DHX57: variants seen among roughly 807,000 people sequenced by gnomAD.
DHX57 encodes DExH-box helicase 57.
Under a neutral mutation model 156.2 loss-of-function variants are expected in DHX57, and 105 were observed. The ratio of observed to expected loss-of-function variants is 0.67; its 90% CI spans 0.57 to 0.79. The LOEUF is 0.79. DHX57 is among the 30% of genes least tolerant of loss of function. DHX57 has a pLI of 0.00. For missense variants in DHX57, 1,847 were observed against 1,661.9 expected (o/e 1.11, Z -1.94); for synonymous variants, 704 against 595.6 (o/e 1.18, Z -2.65).
At position 38,863,413 on chromosome 2, in the gene DHX57, C is replaced by G. The variant is rs1485230898; in HGVS notation, c.331G>C (p.Val111Leu). 1 of 1,613,936 alleles carries G rather than the reference C, an allele frequency of 6.2e-7. No individual in the cohort carries two copies. Among genetic ancestry groups the G allele is most frequent in the South Asian group, 1.1e-5 (1 of 91,042 alleles). Residue 111 changes from valine to leucine, a missense_variant, in exon 3 of 24, where the codon GTG becomes CTG. Transcript: ENST00000457308. ...LHMTSENQEK[V>L]KALLRDLQEQ... ...TGCAGGTCTCGGAGAAGAGCTTTCA[C>G]TTTCTCTTGATTCTCAGAAGTCATA...
intron 12 of DHX57, among the ~76,000 whole-genome samples, chr2:38,840,590 C>CAAAT (rs1553330629): frequency 4.2e-4 from 63 of 151,584 alleles, no homozygotes; most frequent in African/African-American, 1.5e-3. Context: ...AACAAACAAA[C>CAAAT]AAAAAACAGA....
Position 38,845,181 on chromosome 2 carries a change from G to A in DHX57, c.2219+1838C>T, listed in dbSNP as rs974093856. Among the ~76,000 whole-genome samples the A allele has an allele frequency of 1.3e-4, 19 of 151,780 alleles. No homozygotes were observed. The South Asian group carries it at 1.9e-3, about 15-fold the overall frequency. ...CACTGCACTCAGCCTGGGTGACAGA[G>A]TGAGGCTGTCTTAAAAAAAAACAAA... On this transcript the variant is annotated intron_variant, in intron 11 of 23. Transcript: ENST00000457308.
intron 13 of DHX57, among the ~76,000 whole-genome samples, chr2:38,831,666 T>C (rs7602168): frequency 0.93 from 140,741 of 151,616 alleles, 66,279 homozygotes; most frequent in East Asian, 1. Flanking sequence ...ACCAGCCTGG[T>C]CAACATAGTG....
intron 16 of DHX57, among the ~76,000 whole-genome samples, chr2:38,824,152 C>T (rs1382716014): frequency 6.6e-6 from 1 of 152,114 alleles, no homozygotes; most frequent in Admixed American, 6.6e-5. Flanking sequence ...AGTATATATA[C>T]ATACAGTGGA....
At chr2:38,867,643 C>T (rs981870352) in intron 2 of DHX57, among the ~76,000 whole-genome samples, 3 of 152,196 alleles carry the variant, frequency 2.0e-5, no homozygotes, top group Non-Finnish European at 2.9e-5. Context: ...ACTGCAACTT[C>T]TGCCTCCTGG....
At chr2:38,852,007 G>T (rs955119963) in intron 9 of DHX57, among the ~76,000 whole-genome samples, 1 of 151,808 alleles carries the variant, frequency 6.6e-6, no homozygotes, top group Non-Finnish European at 1.5e-5. Context: ...AATGTTTTCT[G>T]TATAGTAATT....
intron 12 of DHX57, chr2:38,838,845 C>A: frequency 2.2e-6 from 1 of 452,646 alleles, no homozygotes. Flanking sequence ...TCACAATCTC[C>A]CCACTCACAA....
chr2:38,847,373 C>G (rs138273440), intron 10 of DHX57, among the ~76,000 whole-genome samples: 1 of 152,274 alleles, frequency 6.6e-6, no homozygotes, highest in Non-Finnish European at 1.5e-5. Flanking sequence ...CATAGAGGAC[C>G]TTTAAACATT....
chr2:38,815,280 G>T (rs899337898), intron 20 of DHX57, among the ~76,000 whole-genome samples: 4 of 151,584 alleles, frequency 2.6e-5, no homozygotes, highest in Non-Finnish European at 5.9e-5. Context: ...GCTCTGGCTG[G>T]TCTCGAACTC....
chr2:38,875,896 C>A lies in DHX57; in HGVS notation c.-116G>T, dbSNP rs1353866125. ...ACGATTCTCACTTGGAGCAGCCCTG[C>A]GGTGGCCCAGCTGCAGCGGCACAGT... is the stretch of plus-strand genomic sequence containing the variant. On this transcript the variant is annotated 5_prime_UTR_variant, in exon 1 of 24. Transcript: ENST00000457308. 1.0e-5 allele frequency: 4 copies of A among 395,822 alleles called. No individual in the cohort carries two copies. The highest frequency in any genetic ancestry group is 7.2e-5 in the East Asian group (2 of 27,932). 24.5% of individuals were successfully genotyped at this position (395,822 alleles called of 1,614,324 possible).
At chr2:38,816,730 T>C (rs1670564504) in intron 19 of DHX57, among the ~76,000 whole-genome samples, 1 of 152,216 alleles carries the variant, frequency 6.6e-6, no homozygotes, top group African/African-American at 2.4e-5. Flanking sequence ...CAAGTATACA[T>C]GGATAACTAG....
rs564707994 is a variant in DHX57 at position 38,798,170 on chromosome 2, G to A, written c.*129C>T. ...TATATACACTGCCTCAGCTGCCTTG[G>A]GCTTCATGCCCTGGGCTCCTCCACC... On this transcript the variant is annotated 3_prime_UTR_variant, in exon 24 of 24. Transcript: ENST00000457308. 2.3e-5 allele frequency: 30 copies of A among 1,294,832 alleles called. No individual in the cohort carries two copies. The African/African-American group carries it at 4.0e-4, about 17-fold the overall frequency. The allele number at this position is 1,294,832 out of a possible 1,614,324, so 80.2% of individuals were successfully genotyped here. A position where few individuals can be genotyped will look rare whatever the true frequency, so the allele number is the denominator to read the frequency against.
chr2:38,816,418 G>A (rs1558361772), intron 19 of DHX57, among the ~76,000 whole-genome samples: 1 of 151,852 alleles, frequency 6.6e-6, no homozygotes, highest in African/African-American at 2.4e-5. Context: ...GTTTCACCAT[G>A]TTGGCCAGGC....
chr2:38,852,316 A>G (rs2124906163), intron 9 of DHX57, among the ~76,000 whole-genome samples: 2 of 144,518 alleles, frequency 1.4e-5, no homozygotes, highest in Non-Finnish European at 3.0e-5. Flanking sequence ...AGCTGGGACT[A>G]CAGGCGCCTG....
rs113548440 is a variant in DHX57 at position 38,831,838 on chromosome 2, T to G, written c.2543-3402A>C. Among the ~76,000 whole-genome samples the G allele has an allele frequency of 9.0e-3, 1,051 of 116,172 alleles. 4 individuals carry two copies. Among genetic ancestry groups the G allele is most frequent in the Middle Eastern group, 0.048 (11 of 230 alleles). 76.2% of individuals were successfully genotyped at this position (116,172 alleles called of 152,430 possible). ...CACCATCGCACTCCAGAGTGAGACT[T>G]CATCTCAAAAAAAAAAAAAAAATTA... On this transcript the variant is annotated intron_variant, in intron 13 of 23. Coordinates refer to ENST00000457308, the MANE Select transcript of DHX57 (RefSeq NM_198963.3).
chr2:38,799,468 T>C (rs920186140), intron 23 of DHX57, among the ~76,000 whole-genome samples: 2 of 132,840 alleles, frequency 1.5e-5, no homozygotes, highest in African/African-American at 2.8e-5. Context: ...GGGTGGTAGA[T>C]AGGCTGGGCC....
intron 17 of DHX57, among the ~76,000 whole-genome samples, chr2:38,820,020 A>G (rs2148554926): frequency 1.3e-5 from 2 of 152,356 alleles, no homozygotes; most frequent in South Asian, 2.1e-4. Flanking sequence ...CTCTAAAGGT[A>G]TCAGCATGAG....
chr2:38,833,848 A>T (rs1163339150), intron 13 of DHX57, among the ~76,000 whole-genome samples: 1 of 152,204 alleles, frequency 6.6e-6, no homozygotes, highest in African/African-American at 2.4e-5. Flanking sequence ...ATGAAAAAAA[A>T]TTAAGAAAGA....
At chr2:38,828,505 T>TA (rs1432993313) in intron 13 of DHX57, 69 bp from the exon 14 acceptor site, 5 of 1,098,702 alleles carry the variant, frequency 4.6e-6, no homozygotes, top group South Asian at 1.6e-5. Context: ...AAAATTTTTT[T>TA]AAAAAAGAAT....
Sources: allele counts gnomAD v4.1 joint callset (sites outside exome capture counted in the v4.1 genomes callset), GRCh38; gene constraint gnomAD v4.1.1; transcripts MANE v1.5; gene names NCBI Gene and HGNC (gene_info 2026-07-23, HGNC 2026-07-21).